The following RXFP2 variants were observed in gnomAD, a reference collection of about 807,000 sequenced individuals.
RXFP2 encodes the protein relaxin family peptide receptor 2.
A neutral mutation model predicts 88.6 loss-of-function variants in RXFP2; 68 were observed. That is an observed-to-expected ratio of 0.77 (90% CI 0.63 to 0.94). The LOEUF is 0.94. Ranked by LOEUF, RXFP2 falls within the 40% of genes least tolerant of loss-of-function variation. The pLI, the probability that RXFP2 is intolerant of heterozygous loss-of-function variation, is 0.00. For missense variants in RXFP2, 791 were observed against 893.9 expected (o/e 0.88, Z 1.47); for synonymous variants, 329 against 306.8 (o/e 1.07, Z -0.76).
chr13:31,797,002 A>G (rs146650867), intron 16 of RXFP2, among the ~76,000 whole-genome samples, 199 bp from the exon 17 acceptor site: 2 of 152,228 alleles, frequency 1.3e-5, no homozygotes, highest in Non-Finnish European at 2.9e-5. Context: ...GGTGTATATG[A>G]AACATAAATA....
intron 13 of RXFP2, among the ~76,000 whole-genome samples, chr13:31,787,092 A>G (rs1162043070): frequency 6.6e-6 from 1 of 152,234 alleles, no homozygotes; most frequent in Admixed American, 6.5e-5. Flanking sequence ...CACATTCAGA[A>G]AATTAATGTA....
chr13:31,785,753 A>C (rs146232783), intron 11 of RXFP2, among the ~76,000 whole-genome samples: 3 of 151,970 alleles, frequency 2.0e-5, no homozygotes, highest in Non-Finnish European at 2.9e-5. Context: ...TTAAAGATTC[A>C]TTTCTTCTGA....
In RXFP2 at chr13:31,764,243, TCACACACA is replaced by T. The variant is rs56132108; in HGVS notation, c.320-755_320-748del. 7.8e-3 allele frequency among the ~76,000 whole-genome samples: 1,024 copies of T among 131,756 alleles called. 10 individuals carry two copies. The highest frequency in any genetic ancestry group is 0.023 in the Middle Eastern group (6 of 258). 86.4% of individuals were successfully genotyped at this position (131,756 alleles called of 152,430 possible). A position where few individuals can be genotyped will look rare whatever the true frequency, so the allele number is the denominator to read the frequency against. On this transcript the variant is annotated intron_variant, in intron 3 of 17. Coordinates refer to ENST00000298386, the MANE Select transcript of RXFP2 (RefSeq NM_130806.5). ...CTGCCCTCGTCTGTCTCTCTCTCTT[TCACACACA>T]CACACACACACACACACACACACAC...
chr13:31,777,589 T>G, intron 8 of RXFP2, 142 bp downstream of exon 8: 1 of 661,192 alleles, frequency 1.5e-6, no homozygotes, highest in Non-Finnish European at 2.7e-6. Context: ...CCAGCCACAG[T>G]TACTGTTAAT....
At chr13:31,760,111 G>A (rs1022215349) in intron 2 of RXFP2, among the ~76,000 whole-genome samples, 1 of 151,108 alleles carries the variant, frequency 6.6e-6, no homozygotes, top group African/African-American at 2.4e-5. Context: ...TTTTAGAGAT[G>A]GAGTCTTGCT....
chr13:31,761,747 A>T lies in RXFP2; in HGVS notation c.265A>T (p.Ile89Leu), dbSNP rs1872313469. 2 of 1,613,170 alleles carry T rather than the reference A, an allele frequency of 1.2e-6. No individual in the cohort carries two copies. Among genetic ancestry groups the T allele is most frequent in the East Asian group, 4.5e-5 (2 of 44,842 alleles). Residue 89 changes from isoleucine (I) to leucine (L), a missense_variant, in exon 3 of 18, where the codon ATA becomes TTA. By Grantham distance (5) the Ile-to-Leu change is conservative. Transcript: ENST00000298386. ...NCGDTSGWATIFGTVHGNANS... is the reference protein window; with the variant it reads ...NCGDTSGWATLFGTVHGNANS... ...AGGTGACACTAGTGGATGGGCGACC[A>T]TATTTGGCACAGTGCATGGAAATGC...
intron 5 of RXFP2, among the ~76,000 whole-genome samples, chr13:31,770,999 G>T (rs1377522434): frequency 6.6e-6 from 1 of 152,016 alleles, no homozygotes; most frequent in Non-Finnish European, 1.5e-5. Context: ...CTCAAAGGAT[G>T]TTGAGAAGAG....
At chr13:31,750,218 C>T (rs1477243735) in intron 1 of RXFP2, among the ~76,000 whole-genome samples, 1 of 152,066 alleles carries the variant, frequency 6.6e-6, no homozygotes, top group East Asian at 1.9e-4. Context: ...AAACACTGGT[C>T]CTGACTATTG....
At chr13:31,748,324 C>A (rs1292723634) in intron 1 of RXFP2, among the ~76,000 whole-genome samples, 2 of 152,188 alleles carry the variant, frequency 1.3e-5, no homozygotes, top group Non-Finnish European at 2.9e-5. Flanking sequence ...TCCAAAGCAG[C>A]TGTTCCAATT....
At chr13:31,784,892 C>G (rs1395872165) in intron 11 of RXFP2, among the ~76,000 whole-genome samples, 4 of 152,192 alleles carry the variant, frequency 2.6e-5, no homozygotes, top group African/African-American at 4.8e-5. Context: ...TTTGCTCTCA[C>G]CTGGTCCATG....
rs74858863 is a variant in RXFP2 at position 31,794,484 on chromosome 13, C to A, written c.1786+1396C>A. Among the ~76,000 whole-genome samples, 9 of 151,456 alleles carry A rather than the reference C, an allele frequency of 5.9e-5. No homozygotes were observed. In the South Asian group the frequency reaches 1.7e-3, roughly 28 times the overall value. ...TGTGCACTATATACTATATTAGGTA[C>A]GGGAGAAACAACAGATCCAGCCTCA... On this transcript the variant is annotated intron_variant, in intron 16 of 17. Transcript: ENST00000298386.
chr13:31,796,399 T>C (rs1159254860), intron 16 of RXFP2, among the ~76,000 whole-genome samples: 2 of 151,856 alleles, frequency 1.3e-5, no homozygotes, highest in Admixed American at 6.6e-5. Context: ...ATTTTATTCA[T>C]TTATTAAAAT....
intron 2 of RXFP2, among the ~76,000 whole-genome samples, chr13:31,758,975 G>A (rs1872113553): frequency 1.3e-5 from 2 of 151,880 alleles, no homozygotes; most frequent in South Asian, 4.2e-4. Context: ...CTGAACCCGG[G>A]AGGCAAGGTT....
At position 31,786,621 on chromosome 13, in the gene RXFP2, AAAC is replaced by A. The variant is rs1409485288; in HGVS notation, c.1061_1063del (p.Gln354del). On this transcript the variant is annotated inframe_deletion, in exon 13 of 18. Transcript: ENST00000298386. ...TCACAAGAACCAGTTTGAAAGTCTT[AAAC>A]AACTTCAGTCTCTGTAAGTGAAATA... The A allele has an allele frequency of 2.7e-5, 43 of 1,587,452 alleles. No individual in the cohort carries two copies. The highest frequency in any genetic ancestry group is 3.5e-5 in the Non-Finnish European group (41 of 1,156,390).
chr13:31,742,430 G>C (rs754747515), intron 1 of RXFP2, among the ~76,000 whole-genome samples: 5 of 152,184 alleles, frequency 3.3e-5, no homozygotes, highest in Non-Finnish European at 5.9e-5. Context: ...GCTGTGGATA[G>C]TTGTGAAAAT....
intron 17 of RXFP2, among the ~76,000 whole-genome samples, chr13:31,798,693 C>A (rs1256109503): frequency 6.6e-6 from 1 of 152,110 alleles, no homozygotes; most frequent in Non-Finnish European, 1.5e-5. Flanking sequence ...ATATTTCTTA[C>A]CTCCCACCCT....
intron 14 of RXFP2, among the ~76,000 whole-genome samples, chr13:31,791,148 T>G (rs990528559): frequency 6.6e-6 from 1 of 152,220 alleles, no homozygotes; most frequent in Non-Finnish European, 1.5e-5. Context: ...CCAGATGACC[T>G]CACCCATTCC....
chr13:31,780,973 A>G (rs1873239353), intron 9 of RXFP2, among the ~76,000 whole-genome samples: 4 of 152,208 alleles, frequency 2.6e-5, no homozygotes, highest in African/African-American at 2.4e-5. Flanking sequence ...TCTGAGCAGC[A>G]TTGCCCTTGG....
chr13:31,791,912 C>T lies in RXFP2; in HGVS notation c.1252C>T (p.Leu418Phe), dbSNP rs1045378048. Residue 418 changes from leucine (L) to phenylalanine (F), a missense_variant, in exon 15 of 18, where the codon CTC (leucine) becomes TTC (phenylalanine). Transcript: ENST00000298386. The stretch of plus-strand genomic sequence containing the variant: ...TGAGGACCTCTTGGCTAACAATATC[C>T]TCAGAATATTTGTCTGGGTTATAGC... The part of the protein sequence containing the change: ...SFEDLLANNI[L>F]RIFVWVIAFI... 51 of 1,614,004 alleles carry T rather than the reference C, an allele frequency of 3.2e-5. No homozygotes were observed. Among genetic ancestry groups the T allele is most frequent in the Non-Finnish European group, 4.3e-5 (51 of 1,179,976 alleles).
Sources: gnomAD v4.1 joint callset for allele counts (sites outside exome capture counted in the v4.1 genomes callset) on GRCh38, gnomAD v4.1.1 for gene constraint, MANE v1.5 for transcripts, NCBI Gene and HGNC (gene_info 2026-07-23, HGNC 2026-07-21) for gene names.